MTHFD1: variants seen among roughly 807,000 people sequenced by gnomAD.
MTHFD1 encodes methylenetetrahydrofolate dehydrogenase, cyclohydrolase and formyltetrahydrofolate synthetase 1, also known as C-1-tetrahydrofolate synthase, cytoplasmic.
In MTHFD1, 44 loss-of-function variants were observed where a neutral mutation model predicts 110.3. The observed-to-expected ratio is 0.40, with a 90% confidence interval of 0.31 to 0.51. The LOEUF (loss-of-function observed/expected upper bound fraction) is 0.51, where lower values mean the gene tolerates loss of function less well. Ranked by LOEUF, MTHFD1 falls within the 20% of genes least tolerant of loss-of-function variation. The pLI, the probability that MTHFD1 is intolerant of heterozygous loss-of-function variation, is 0.60. For synonymous variants in MTHFD1, 402 were observed against 428.8 expected (o/e 0.94, Z 0.77); for missense variants, 909 against 1,173.1 (o/e 0.77, Z 3.29).
At chr14:64,390,870 A>G (rs1281864650) in intron 1 of MTHFD1, among the ~76,000 whole-genome samples, 1 of 152,048 alleles carries the variant, frequency 6.6e-6, no homozygotes, top group African/African-American at 2.4e-5. Flanking sequence ...GCTGGTCTGT[A>G]ACTCCTGACC....
intron 3 of MTHFD1, 96 bp from the exon 4 acceptor site, chr14:64,412,376 C>A: frequency 1.1e-6 from 1 of 905,518 alleles, no homozygotes; most frequent in South Asian, 1.3e-5. Flanking sequence ...AAATGATGAC[C>A]AACACCTCCT....
intron 27 of MTHFD1, 34 bp from the exon 28 acceptor site, chr14:64,459,721 GCTTA>G: frequency 5.7e-6 from 6 of 1,059,736 alleles, no homozygotes; most frequent in Non-Finnish European, 7.8e-6. Flanking sequence ...TTCAGTGCTT[GCTTA>G]GAGAAAACAT....
intron 27 of MTHFD1, 60 bp from the exon 28 acceptor site, chr14:64,459,699 A>T (rs1281626987): frequency 7.1e-7 from 1 of 1,401,234 alleles, no homozygotes; most frequent in Non-Finnish European, 9.5e-7. Flanking sequence ...GTATGGAAGG[A>T]ACAGGAAACA....
chr14:64,409,193 T>C (rs996777202), intron 2 of MTHFD1, among the ~76,000 whole-genome samples: 5 of 152,230 alleles, frequency 3.3e-5, no homozygotes, highest in Non-Finnish European at 7.3e-5. Flanking sequence ...TGACATTAGA[T>C]GCCAAAGACA....
chr14:64,453,758 C>A lies in MTHFD1; in HGVS notation c.2462C>A (p.Pro821Gln). The change falls in exon 25 of 28, where the codon CCA becomes CAA. Residue 821 changes from proline (P) to glutamine (Q), a missense_variant. By Grantham distance (76) the Pro-to-Gln change is moderately conservative (BLOSUM62 -1). Coordinates refer to ENST00000652337, the MANE Select transcript of MTHFD1 (RefSeq NM_005956.4). ...CATCTCTTTCTTGTGCATTAGCTCC[C>A]AGTTGAGGATAAAATCAGGATCATT... The part of the protein sequence containing the change: ...SFQLLYDLKL[P>Q]VEDKIRIIAQ... 6.3e-7 allele frequency: 1 copy of A among 1,596,782 alleles called. No individual in the cohort carries two copies. The highest frequency in any genetic ancestry group is 1.7e-4 in the Middle Eastern group (1 of 6,012).
intron 8 of MTHFD1, among the ~76,000 whole-genome samples, chr14:64,420,937 A>G (rs2140960027): frequency 6.6e-6 from 1 of 152,318 alleles, no homozygotes; most frequent in South Asian, 2.1e-4. Flanking sequence ...TTCACAGAAC[A>G]ATAGGGCAAA....
intron 9 of MTHFD1, 44 bp from the exon 10 acceptor site, chr14:64,425,686 A>C: frequency 6.6e-7 from 1 of 1,525,096 alleles, no homozygotes; most frequent in Non-Finnish European, 9.1e-7. Flanking sequence ...GTGAGGATTA[A>C]AATAACCACC....
At chr14:64,397,138 A>AAT (rs1182197415) in intron 1 of MTHFD1, among the ~76,000 whole-genome samples, 3 of 11,946 alleles carry the variant, frequency 2.5e-4, no homozygotes, top group African/African-American at 3.6e-4. Flanking sequence ...AAAAAAAAAA[A>AAT]ATATATATAT....
chr14:64,442,119 T>G lies in MTHFD1; in HGVS notation c.1950T>G (p.Ile650Met), dbSNP rs559405420. Residue 650 changes from isoleucine (I) to methionine (M), a missense_variant, in exon 20 of 28, where the codon ATT becomes ATG. By Grantham distance (10) the Ile-to-Met change is conservative (BLOSUM62 1). This residue lies in a region of MTHFD1 where 482 missense variants were observed against 646.0 expected (regional missense o/e 0.75). Transcript: ENST00000652337. ...TCGCACATGGCAATTCCTCCATCAT[T>G]GCAGACCGGATCGCACTCAAGCTTG... is the stretch of plus-strand genomic sequence containing the variant. Reference protein sequence around the residue: ...ANIAHGNSSIIADRIALKLVG... With the variant: ...ANIAHGNSSIMADRIALKLVG... The G allele has an allele frequency of 8.7e-6, 14 of 1,614,202 alleles. No individual in the cohort carries two copies. The Admixed American group carries it at 2.3e-4, about 27-fold the overall frequency.
intron 8 of MTHFD1, 22 bp downstream of exon 8, chr14:64,419,947 A>G (rs780847670): frequency 9.4e-5 from 145 of 1,537,132 alleles, no homozygotes; most frequent in Non-Finnish European, 1.3e-4. Flanking sequence ...TGGAGGAGTA[A>G]GGTGGCTGCT....
intron 1 of MTHFD1, among the ~76,000 whole-genome samples, chr14:64,391,468 C>T (rs77280078): frequency 0.018 from 2,750 of 152,218 alleles, 71 homozygotes; most frequent in East Asian, 0.089. Flanking sequence ...CCCCCGCTGG[C>T]GCTTTGCTTT....
chr14:64,441,041 AAT>A (rs1596552127), intron 18 of MTHFD1: 1 of 346,752 alleles, frequency 2.9e-6, no homozygotes, highest in Non-Finnish European at 5.6e-6. Flanking sequence ...AATACAAAAA[AAT>A]TAGCCGGGCA....
At chr14:64,437,808 A>AG (rs2140972522) in intron 16 of MTHFD1, among the ~76,000 whole-genome samples, 1 of 152,322 alleles carries the variant, frequency 6.6e-6, no homozygotes, top group East Asian at 1.9e-4. Flanking sequence ...AGAGAAGCGT[A>AG]GGGGGCATCA....
chr14:64,408,434 G>A (rs1022554868), intron 2 of MTHFD1, among the ~76,000 whole-genome samples: 1 of 152,008 alleles, frequency 6.6e-6, no homozygotes, highest in Non-Finnish European at 1.5e-5. Context: ...GATTACAGGT[G>A]CACACCATCA....
At chr14:64,447,667 A>G (rs1361494409) in intron 22 of MTHFD1, among the ~76,000 whole-genome samples, 3 of 151,972 alleles carry the variant, frequency 2.0e-5, no homozygotes. Context: ...TTCACGGTCG[A>G]GTTCATTAAA....
intron 7 of MTHFD1, 27 bp from the exon 8 acceptor site, chr14:64,419,787 T>C (rs746838453): frequency 6.8e-7 from 1 of 1,467,324 alleles, no homozygotes. Context: ...TTATTTCATT[T>C]CTGATGTCCA....
intron 23 of MTHFD1, chr14:64,448,572 G>T: frequency 2.0e-6 from 1 of 503,640 alleles, no homozygotes; most frequent in Non-Finnish European, 3.6e-6. Context: ...CAAGCCTGAA[G>T]TTCAATGTTC....
chr14:64,449,993 T>C (rs1376242006), intron 24 of MTHFD1, among the ~76,000 whole-genome samples: 2 of 152,200 alleles, frequency 1.3e-5, no homozygotes, highest in Non-Finnish European at 2.9e-5. Context: ...GGTTTCACCA[T>C]CTTGGCCAGG....
chr14:64,454,294 G>A (rs549953714), intron 25 of MTHFD1, among the ~76,000 whole-genome samples: 18 of 152,044 alleles, frequency 1.2e-4, no homozygotes, highest in African/African-American at 4.1e-4. Context: ...TGTGTTTTTT[G>A]TTGAGATGGG....
Sources: gnomAD v4.1 joint callset for allele counts (sites outside exome capture counted in the v4.1 genomes callset) on GRCh38, gnomAD v4.1.1 for gene constraint, gnomAD v4.1.1 regional missense constraint, MANE v1.5 for transcripts, NCBI Gene and HGNC (gene_info 2026-07-23, HGNC 2026-07-21) for gene names.